Variants in CLIC6 observed in about 807,000 individuals in gnomAD.
CLIC6 encodes the protein chloride intracellular channel protein 6.
Under a neutral mutation model 49.2 loss-of-function variants are expected in CLIC6, and 39 were observed. That is an observed-to-expected ratio of 0.79 (90% CI 0.61 to 1.04). The LOEUF (loss-of-function observed/expected upper bound fraction) is 1.04. CLIC6 is among the 50% of genes least tolerant of loss of function. CLIC6 has a pLI of 0.00. For missense variants in CLIC6, 988 were observed against 993.1 expected, an observed-to-expected ratio of 0.99 and a Z score of 0.07; for synonymous variants, 446 against 433.4, an observed-to-expected ratio of 1.03 and a Z score of -0.36.
At chr21:34,695,387 A>G (rs985313373) in intron 1 of CLIC6, among the ~76,000 whole-genome samples, 2 of 152,200 alleles carry the variant, frequency 1.3e-5, no homozygotes, top group South Asian at 4.1e-4. Flanking sequence ...AAAATCCATA[A>G]CCTTGATATC....
intron 1 of CLIC6, among the ~76,000 whole-genome samples, chr21:34,682,912 T>A (rs925035184): frequency 5.6e-5 from 8 of 142,150 alleles, no homozygotes; most frequent in African/African-American, 2.1e-4. Flanking sequence ...CCCAGGTTCA[T>A]GCCATTCTCC....
intron 1 of CLIC6, among the ~76,000 whole-genome samples, chr21:34,679,988 C>A (rs931877876): frequency 1.3e-5 from 2 of 152,208 alleles, no homozygotes; most frequent in African/African-American, 4.8e-5. Context: ...GATGGTTGAC[C>A]TATTCTCACA....
Position 34,682,811 on chromosome 21 carries a change from T to A in CLIC6, c.1374+12049T>A, listed in dbSNP as rs1037157235. 6.7e-3 allele frequency among the ~76,000 whole-genome samples: 863 copies of A among 129,720 alleles called. 15 individuals carry two copies. Among genetic ancestry groups the A allele is most frequent in the African/African-American group, 0.025 (813 of 33,054 alleles). 85.1% of individuals were successfully genotyped at this position (129,720 alleles called of 152,430 possible). ...TACCCCTTTCCCTCCATTTTTTTTT[T>A]TTTTTTTTTTTTTTTTTTGAGACGG... On this transcript the variant is annotated intron_variant, in intron 1 of 5. Transcript: ENST00000349499.
chr21:34,687,441 T>C (rs1346428078), intron 1 of CLIC6, among the ~76,000 whole-genome samples: 1 of 152,212 alleles, frequency 6.6e-6, no homozygotes, highest in Non-Finnish European at 1.5e-5. Flanking sequence ...CTTCAGTTGG[T>C]ATCAGGCCAT....
chr21:34,708,649 C>T (rs750711848), intron 3 of CLIC6, 51 bp from the exon 4 acceptor site: 2 of 1,268,038 alleles, frequency 1.6e-6, no homozygotes, highest in Non-Finnish European at 2.3e-6. Flanking sequence ...ATAGTATTAT[C>T]TTCACTAAAA....
chr21:34,708,137 G>A, intron 3 of CLIC6, 68 bp downstream of exon 3: 1 of 1,577,800 alleles, frequency 6.3e-7, no homozygotes, highest in South Asian at 1.1e-5. Context: ...CAGTTCTAAA[G>A]CTCTGGGCAG....
chr21:34,691,752 A>T (rs1989999192), intron 1 of CLIC6, among the ~76,000 whole-genome samples: 1 of 152,202 alleles, frequency 6.6e-6, no homozygotes, highest in South Asian at 2.1e-4. Flanking sequence ...GTTTGTGCTG[A>T]GAGCCGTTCA....
chr21:34,671,518 A>C (rs151080536), intron 1 of CLIC6, among the ~76,000 whole-genome samples: 2 of 152,240 alleles, frequency 1.3e-5, no homozygotes, highest in Non-Finnish European at 2.9e-5. Context: ...CTGTAGAGAC[A>C]CAACTGAGGA....
At chr21:34,688,619 G>A (rs1201715559) in intron 1 of CLIC6, among the ~76,000 whole-genome samples, 1 of 152,218 alleles carries the variant, frequency 6.6e-6, no homozygotes, top group Non-Finnish European at 1.5e-5. Flanking sequence ...ACCAGCGAGG[G>A]TCTCTAGTTT....
rs749178925 is a variant in CLIC6, at chr21:34,670,226, A to C, written c.838A>C (p.Met280Leu). The C allele has an allele frequency of 4.6e-5, 65 of 1,417,316 alleles. No individual in the cohort carries two copies. Among genetic ancestry groups the C allele is most frequent in the Admixed American group, 1.5e-4 (5 of 33,446 alleles). 87.8% of individuals were successfully genotyped at this position (1,417,316 alleles called of 1,614,324 possible). ...AGCCGAAGGCCCGGCGGGGGACAGC[A>C]TGGACGCCGAGGGTCCGGCAGGAAG... is the stretch of plus-strand genomic sequence containing the variant. Reference protein sequence around the residue: ...VEAEGPAGDSMDAEGPAGRAR... With the variant: ...VEAEGPAGDSLDAEGPAGRAR... The change falls in exon 1 of 6, where the codon ATG (methionine) becomes CTG (leucine). Residue 280 changes from methionine to leucine, a missense_variant. Coordinates refer to ENST00000349499, the MANE Select transcript of CLIC6 (RefSeq NM_053277.3).
intron 1 of CLIC6, among the ~76,000 whole-genome samples, chr21:34,688,700 C>T (rs1287003681): frequency 1.3e-5 from 2 of 152,164 alleles, no homozygotes; most frequent in African/African-American, 4.8e-5. Context: ...GCAGAGGGTG[C>T]AGGGAGACAG....
intron 1 of CLIC6, among the ~76,000 whole-genome samples, chr21:34,705,145 C>A (rs1318316558): frequency 6.6e-6 from 1 of 152,234 alleles, no homozygotes; most frequent in African/African-American, 2.4e-5. Context: ...GAGAGGTTTA[C>A]AAGCTGCAGA....
intron 1 of CLIC6, among the ~76,000 whole-genome samples, chr21:34,683,288 A>G (rs2145802551): frequency 6.6e-6 from 1 of 152,302 alleles, no homozygotes; most frequent in South Asian, 2.1e-4. Context: ...TATCGCTTTG[A>G]TCTTTGCATA....
chr21:34,672,765 G>A (rs753948147), intron 1 of CLIC6, among the ~76,000 whole-genome samples: 9 of 152,178 alleles, frequency 5.9e-5, no homozygotes, highest in East Asian at 1.9e-4. Flanking sequence ...ATTTCTTGCC[G>A]TGTGACCTTG....
In CLIC6 at chr21:34,670,546, A is replaced by C. The variant is rs1194513933; in HGVS notation, c.1158A>C (p.Ala386=). The C allele has an allele frequency of 1.3e-6, 2 of 1,499,196 alleles. No individual in the cohort carries two copies. The highest frequency in any genetic ancestry group is 2.8e-5 in the African/African-American group (2 of 70,756). 92.9% of individuals were successfully genotyped at this position (1,499,196 alleles called of 1,614,324 possible). A position where few individuals can be genotyped will look rare whatever the true frequency, so the allele number is the denominator to read the frequency against. The change falls in exon 1 of 6, where the codon GCA becomes GCC. Residue 386 remains alanine, a synonymous_variant. Transcript: ENST00000349499. The part of the protein sequence containing the change: ...RSPEGPREEE[A]AGGEEESPDS... The stretch of plus-strand genomic sequence containing the variant: ...CGGAGGGGCCAAGGGAGGAGGAAGC[A>C]GCGGGGGGCGAAGAGGAATCCCCCG...
In CLIC6 at chr21:34,670,121, C is replaced by A; in HGVS notation, c.733C>A (p.Arg245=). The A allele has an allele frequency of 1.4e-6, 1 of 737,812 alleles. No individual in the cohort carries two copies. Among genetic ancestry groups the A allele is most frequent in the Non-Finnish European group, 1.7e-6 (1 of 580,736 alleles). The allele number at this position is 737,812 out of a possible 1,614,324, so 45.7% of individuals were successfully genotyped here. The stretch of plus-strand genomic sequence containing the variant: ...GGGGGACAGCGTAGACGCGGAGGGC[C>A]GGGTGGGGGACAGCGTAGAGGCGGG... The part of the protein sequence containing the change: ...PAGDSVDAEG[R]VGDSVEAGDP... The change falls in exon 1 of 6, where the codon CGG becomes AGG. Residue 245 remains arginine, a synonymous_variant. Transcript: ENST00000349499.
intron 1 of CLIC6, among the ~76,000 whole-genome samples, chr21:34,695,575 G>A (rs1990075195): frequency 6.6e-6 from 1 of 152,170 alleles, no homozygotes; most frequent in South Asian, 2.1e-4. Context: ...TGTGGTCAAG[G>A]GTTGACCTAT....
Position 34,707,315 on chromosome 21 carries a change from G to T in CLIC6, c.1410G>T (p.Pro470=). 6.2e-7 allele frequency: 1 copy of T among 1,614,042 alleles called. No homozygotes were observed. The highest frequency in any genetic ancestry group is 1.1e-5 in the South Asian group (1 of 91,082). Residue 470 remains proline (P), a synonymous_variant, in exon 2 of 6, where the codon CCG becomes CCT. Transcript: ENST00000349499. ...GYDGESIGNC[P]FSQRLFMILW... ...ATGGTGAGAGTATCGGAAATTGCCC[G>T]TTTTCTCAGCGTCTCTTTATGATTC... is the stretch of plus-strand genomic sequence containing the variant.
intron 1 of CLIC6, among the ~76,000 whole-genome samples, chr21:34,671,350 A>AG (rs1429878609): frequency 6.6e-6 from 1 of 152,140 alleles, no homozygotes; most frequent in South Asian, 2.1e-4. Context: ...ATGTACGTTT[A>AG]GGGGGGAATG....
Sources: gnomAD v4.1 joint callset for allele counts (sites outside exome capture counted in the v4.1 genomes callset) on GRCh38, gnomAD v4.1.1 for gene constraint, MANE v1.5 for transcripts, NCBI Gene and HGNC (gene_info 2026-07-23, HGNC 2026-07-21) for gene names.